Variants in KIF3B observed in about 807,000 individuals in gnomAD.
KIF3B encodes kinesin-like protein KIF3B.
KIF3B carries 38 observed loss-of-function variants against 74.3 expected under a neutral mutation model. The observed-to-expected ratio is 0.51, with a 90% confidence interval of 0.39 to 0.67. The LOEUF is 0.67. Among genes scored for constraint, KIF3B ranks in the 30% least tolerant of loss-of-function variants. The pLI is 0.00. For synonymous variants in KIF3B, 326 were observed against 342.5 expected (o/e 0.95, Z 0.53); for missense variants, 649 against 932.0 (o/e 0.70, Z 3.95).
intron 1 of KIF3B, among the ~76,000 whole-genome samples, chr20:32,287,317 AT>A (rs950789820): frequency 2.1e-5 from 3 of 145,552 alleles, no homozygotes; most frequent in African/African-American, 7.7e-5. Context: ...GGCCCAATCT[AT>A]TTTTTTTATT....
chr20:32,297,190 G>T (rs952066548), intron 1 of KIF3B, among the ~76,000 whole-genome samples: 4 of 152,178 alleles, frequency 2.6e-5, no homozygotes, highest in Non-Finnish European at 5.9e-5. Flanking sequence ...TTGAACCCTG[G>T]GCCAGGCAGT....
At chr20:32,293,083 C>T (rs540498455) in intron 1 of KIF3B, among the ~76,000 whole-genome samples, 2 of 151,910 alleles carry the variant, frequency 1.3e-5, no homozygotes, top group South Asian at 2.1e-4. Flanking sequence ...GGCAAAACCC[C>T]GTCTCTACAA....
chr20:32,316,712 C>T lies in KIF3B; in HGVS notation c.1630-44C>T, dbSNP rs754070840. 9 of 1,613,672 alleles carry T rather than the reference C, an allele frequency of 5.6e-6. No homozygotes were observed. In the Admixed American group the frequency reaches 6.7e-5, roughly 12 times the overall value. ...ACTTGGGGAAAGGGAGAACTCTACC[C>T]TTTGGACAGACACCCTCCTCACCTG... On this transcript the variant is annotated intron_variant, in intron 4 of 8. Coordinates refer to ENST00000375712, the MANE Select transcript of KIF3B (RefSeq NM_004798.4).
intron 2 of KIF3B, among the ~76,000 whole-genome samples, chr20:32,313,665 C>T (rs2047812804): frequency 6.6e-6 from 1 of 152,122 alleles, no homozygotes; most frequent in Admixed American, 6.6e-5. Context: ...CATGCCTTCT[C>T]ACTGCTGCAC....
chr20:32,305,593 T>TG (rs1491544150), intron 1 of KIF3B, among the ~76,000 whole-genome samples: 1 of 135,220 alleles, frequency 7.4e-6, no homozygotes, highest in Non-Finnish European at 1.6e-5. Flanking sequence ...TTTTTTTTTT[T>TG]GTGTGTGTAG....
At chr20:32,296,755 A>G (rs1432376903) in intron 1 of KIF3B, among the ~76,000 whole-genome samples, 1 of 152,212 alleles carries the variant, frequency 6.6e-6, no homozygotes, top group Non-Finnish European at 1.5e-5. Context: ...AAGCAAATGT[A>G]GAACCATTTT....
chr20:32,307,615 G>A (rs546438790), intron 1 of KIF3B, among the ~76,000 whole-genome samples: 39 of 152,260 alleles, frequency 2.6e-4, no homozygotes, highest in African/African-American at 8.9e-4. Context: ...CCCAGAGGTT[G>A]TAGTATTTCA....
chr20:32,304,759 G>A (rs2047761176), intron 1 of KIF3B, among the ~76,000 whole-genome samples: 1 of 151,884 alleles, frequency 6.6e-6, no homozygotes, highest in Non-Finnish European at 1.5e-5. Flanking sequence ...ACACTTGTCT[G>A]TGAGCAGCAG....
intron 1 of KIF3B, among the ~76,000 whole-genome samples, chr20:32,279,191 A>G (rs578054452): frequency 3.3e-5 from 5 of 151,870 alleles, no homozygotes; most frequent in African/African-American, 1.2e-4. Flanking sequence ...CCAAAGTGCT[A>G]GGATTACATG....
chr20:32,295,356 G>A lies in KIF3B; in HGVS notation c.-65-14357G>A, dbSNP rs1299195243. The stretch of plus-strand genomic sequence containing the variant: ...CGCCCAGGCTGGAGTGCAGTGGTGC[G>A]ATCTCAGCTCACTGCAAGCTCCGCC... On this transcript the variant is annotated intron_variant, in intron 1 of 8. Coordinates refer to ENST00000375712, the MANE Select transcript of KIF3B (RefSeq NM_004798.4). Among the ~76,000 whole-genome samples, 3 of 151,712 alleles carry A rather than the reference G, an allele frequency of 2.0e-5. No homozygotes were observed. In the East Asian group the frequency reaches 5.8e-4, roughly 29 times the overall value.
chr20:32,311,005 A>C lies in KIF3B; in HGVS notation c.1228A>C (p.Lys410Gln). The change falls in exon 2 of 9, where the codon AAG (lysine) becomes CAG (glutamine). Residue 410 changes from lysine to glutamine, a missense_variant. Physicochemically the swap from Lys to Gln is moderately conservative, Grantham distance 53. Transcript: ENST00000375712. The part of the protein sequence containing the change: ...GEEGEEEGDD[K>Q]DDYWREQQEK... ...AGAGGGTGAGGAGGAAGGGGATGAT[A>C]AGGATGATTACTGGCGGGAACAGCA... is the stretch of plus-strand genomic sequence containing the variant. 1 of 1,613,602 alleles carries C rather than the reference A, an allele frequency of 6.2e-7. No individual in the cohort carries two copies.
At chr20:32,293,509 T>C (rs760275999) in intron 1 of KIF3B, among the ~76,000 whole-genome samples, 3 of 149,168 alleles carry the variant, frequency 2.0e-5, no homozygotes, top group Non-Finnish European at 4.5e-5. Context: ...ACTGAGGAGG[T>C]TGAGGTGGGA....
intron 7 of KIF3B, among the ~76,000 whole-genome samples, chr20:32,328,313 A>G (rs1156761162): frequency 1.3e-5 from 2 of 152,044 alleles, no homozygotes; most frequent in Non-Finnish European, 2.9e-5. Flanking sequence ...AATCCCAGCT[A>G]CTTGGGAGGC....
chr20:32,317,613 T>TTA (rs147464782), intron 5 of KIF3B, among the ~76,000 whole-genome samples: 3,048 of 148,600 alleles, frequency 0.021, 36 homozygotes, highest in African/African-American at 0.038. Context: ...TCCTACATAC[T>TTA]TATATATATA....
At chr20:32,306,885 G>A (rs531225662) in intron 1 of KIF3B, among the ~76,000 whole-genome samples, 1 of 152,036 alleles carries the variant, frequency 6.6e-6, no homozygotes, top group East Asian at 2.0e-4. Context: ...GAGCCACCAC[G>A]CTCAGCCTTT....
At chr20:32,320,455 T>A (rs544983848) in intron 5 of KIF3B, among the ~76,000 whole-genome samples, 1 of 152,024 alleles carries the variant, frequency 6.6e-6, no homozygotes, top group Admixed American at 6.6e-5. Flanking sequence ...TGGAATAATG[T>A]GGCCTTTTGT....
chr20:32,285,198 C>T (rs1475105596), intron 1 of KIF3B, among the ~76,000 whole-genome samples: 2 of 152,016 alleles, frequency 1.3e-5, no homozygotes, highest in East Asian at 3.8e-4. Context: ...CTGATGAGGC[C>T]GCAAACAGAT....
intron 1 of KIF3B, among the ~76,000 whole-genome samples, chr20:32,295,369 T>C (rs1007861829): frequency 1.3e-5 from 2 of 151,196 alleles, no homozygotes; most frequent in African/African-American, 4.9e-5. Flanking sequence ...CTCAGCTCAC[T>C]GCAAGCTCCG....
At chr20:32,303,016 A>G (rs2047751623) in intron 1 of KIF3B, among the ~76,000 whole-genome samples, 1 of 152,168 alleles carries the variant, frequency 6.6e-6, no homozygotes, top group Non-Finnish European at 1.5e-5. Context: ...TGTTTAACTC[A>G]TTAACCATCG....
Sources: gnomAD v4.1 joint callset for allele counts (sites outside exome capture counted in the v4.1 genomes callset) on GRCh38, gnomAD v4.1.1 for gene constraint, MANE v1.5 for transcripts, NCBI Gene and HGNC (gene_info 2026-07-23, HGNC 2026-07-21) for gene names.